CYP2C8: variants seen among roughly 807,000 people sequenced by gnomAD.
CYP2C8 encodes cytochrome P450 family 2 subfamily C member 8.
CYP2C8 carries 51 observed loss-of-function variants against 41.3 expected under a neutral mutation model. The observed-to-expected ratio is 1.24, with a 90% CI of 0.99 to 1.56. The LOEUF (loss-of-function observed/expected upper bound fraction) is 1.56. Ranked by LOEUF, CYP2C8 falls within the 40% of genes most tolerant of loss-of-function variation. The pLI is 0.00. For missense variants in CYP2C8, 651 were observed against 579.9 expected, an observed-to-expected ratio of 1.12 and a Z score of -1.26; for synonymous variants, 218 against 205.8, an observed-to-expected ratio of 1.06 and a Z score of -0.51.
Position 95,069,317 on chromosome 10 carries a change from A to T in CYP2C8, c.86T>A (p.Leu29His), listed in dbSNP as rs1269726684. ...AGGAAGAGGAGTGGGGCCAGGAGGG[A>T]GCTTCCTTCTCCTACAGCTCTGTCT... ...LWRQSCRRRK[L>H]PPGPTPLPII... The change falls in exon 1 of 9, where the codon CTC (leucine) becomes CAC (histidine). Residue 29 changes from leucine to histidine, a missense_variant. Physicochemically the swap from Leu to His is moderately conservative, Grantham distance 99 (BLOSUM62 -3). Coordinates refer to ENST00000371270, the MANE Select transcript of CYP2C8 (RefSeq NM_000770.3). 6.2e-7 allele frequency: 1 copy of T among 1,613,920 alleles called. No individual in the cohort carries two copies. Among genetic ancestry groups the T allele is most frequent in the Non-Finnish European group, 8.5e-7 (1 of 1,179,976 alleles).
rs765368370 is a variant in CYP2C8, at chr10:95,067,638, T to C, written c.222A>G (p.Ile74Met). The change falls in exon 2 of 9, where the codon ATA becomes ATG. Residue 74 changes from isoleucine (I) to methionine (M), a missense_variant. Coordinates refer to ENST00000371270, the MANE Select transcript of CYP2C8 (RefSeq NM_000770.3). The stretch of plus-strand genomic sequence containing the variant: ...CTGCCTCATATCCATGAAACACCAC[T>C]ATGGGATTCATGCCAAAATACACGG... ...VFTVYFGMNPIVVFHGYEAVK... is the reference protein window; with the variant it reads ...VFTVYFGMNPMVVFHGYEAVK... 3 of 1,613,928 alleles carry C rather than the reference T, an allele frequency of 1.9e-6. No homozygotes were observed. Among genetic ancestry groups the C allele is most frequent in the Admixed American group, 3.3e-5 (2 of 59,970 alleles).
intron 6 of CYP2C8, among the ~76,000 whole-genome samples, 164 bp from the exon 7 acceptor site, chr10:95,043,241 T>C (rs1288601178): frequency 1.3e-5 from 2 of 152,172 alleles, no homozygotes; most frequent in African/African-American, 2.4e-5. Context: ...TACCATAATA[T>C]AGATACATAC....
chr10:95,068,509 G>T (rs545050969), intron 1 of CYP2C8: 1 of 981,750 alleles, frequency 1.0e-6, no homozygotes, highest in Non-Finnish European at 1.4e-6. Context: ...CTTCAGAGAA[G>T]TTCAATTTTC....
At chr10:95,068,619 T>C in intron 1 of CYP2C8, 1 of 1,288,908 alleles carries the variant, frequency 7.8e-7, no homozygotes, top group Non-Finnish European at 1.0e-6. Context: ...TCAAAAATCA[T>C]AGCAAAACAC....
At position 95,042,885 on chromosome 10, in the gene CYP2C8, C is replaced by T. The variant is rs542760737; in HGVS notation, c.1149+5G>A. The T allele has an allele frequency of 1.9e-5, 31 of 1,612,296 alleles. No homozygotes were observed. In the South Asian group the frequency reaches 3.0e-4, roughly 15 times the overall value. On this transcript the variant is annotated splice_donor_5th_base_variant and intron_variant, in intron 7 of 8. Coordinates refer to ENST00000371270, the MANE Select transcript of CYP2C8 (RefSeq NM_000770.3). ...AGAAATATAGTGTAAGAGAAACAAG[C>T]TTACCTTGGGGATGAGGTAGTTTCT...
chr10:95,059,162 A>G (rs537123820), intron 4 of CYP2C8, among the ~76,000 whole-genome samples: 74 of 152,334 alleles, frequency 4.9e-4, no homozygotes, highest in Middle Eastern at 3.4e-3. Flanking sequence ...TATACCCAGT[A>G]ATGGGATGGC....
intron 2 of CYP2C8, 57 bp downstream of exon 2, chr10:95,067,472 G>A: frequency 6.2e-7 from 1 of 1,613,374 alleles, no homozygotes. Context: ...TTAGGGCTCT[G>A]TTTTCCATCC....
intron 4 of CYP2C8, among the ~76,000 whole-genome samples, chr10:95,063,979 T>C (rs1465847212): frequency 2.6e-5 from 4 of 152,140 alleles, no homozygotes; most frequent in African/African-American, 9.7e-5. Context: ...TGCCCGATCG[T>C]TCCTCTGGAA....
At chr10:95,067,483 C>T (rs1234230839) in intron 2 of CYP2C8, 46 bp downstream of exon 2, 9 of 1,613,702 alleles carry the variant, frequency 5.6e-6, no homozygotes, top group Non-Finnish European at 7.6e-6. Flanking sequence ...TTTTCCATCC[C>T]CCTCACCCCA....
intron 1 of CYP2C8, 27 bp downstream of exon 1, chr10:95,069,208 G>C: frequency 6.2e-7 from 1 of 1,613,376 alleles, no homozygotes; most frequent in Admixed American, 1.7e-5. Flanking sequence ...CTTTGCAATT[G>C]GCTGGAGGAA....
At position 95,037,006 on chromosome 10, in the gene CYP2C8, G is replaced by A; in HGVS notation, c.*122C>T. On this transcript the variant is annotated 3_prime_UTR_variant, in exon 9 of 9. Coordinates refer to ENST00000371270, the MANE Select transcript of CYP2C8 (RefSeq NM_000770.3). ...TCCTTAATGGAGTTTGGATGCTTAT[G>A]GGATATTGAGTGAATGGGAAGATTT... 1 of 907,312 alleles carries A rather than the reference G, an allele frequency of 1.1e-6. No homozygotes were observed. Among genetic ancestry groups the A allele is most frequent in the Non-Finnish European group, 1.8e-6 (1 of 555,236 alleles). 56.2% of individuals were successfully genotyped at this position (907,312 alleles called of 1,614,324 possible). A position where few individuals can be genotyped will look rare whatever the true frequency, so the allele number is the denominator to read the frequency against.
intron 5 of CYP2C8, among the ~76,000 whole-genome samples, chr10:95,054,236 G>A (rs921210869): frequency 6.6e-6 from 1 of 151,996 alleles, no homozygotes; most frequent in Admixed American, 6.6e-5. Context: ...TATATGAGGA[G>A]TGCAAGAGTG....
intron 4 of CYP2C8, among the ~76,000 whole-genome samples, chr10:95,061,898 C>T (rs1188354640): frequency 6.6e-6 from 1 of 152,138 alleles, no homozygotes; most frequent in Non-Finnish European, 1.5e-5. Context: ...TCTTTAGGTA[C>T]CCAGTAGTCA....
chr10:95,055,059 G>A (rs1330648218), intron 5 of CYP2C8, among the ~76,000 whole-genome samples: 1 of 152,060 alleles, frequency 6.6e-6, no homozygotes, highest in African/African-American at 2.4e-5. Context: ...GCTTCCAAAA[G>A]TAATCTAAAG....
chr10:95,043,990 T>A (rs2033061402), intron 6 of CYP2C8, among the ~76,000 whole-genome samples: 1 of 152,164 alleles, frequency 6.6e-6, no homozygotes, highest in African/African-American at 2.4e-5. Context: ...TAGTAATAAT[T>A]TCCCAATTAT....
chr10:95,064,778 G>A (rs538560149), intron 4 of CYP2C8, 22 bp downstream of exon 4: 3 of 1,611,442 alleles, frequency 1.9e-6, no homozygotes, highest in Non-Finnish European at 2.5e-6. Context: ...GGTTTCCAAG[G>A]AAAATAAAAT....
At chr10:95,037,513 T>C (rs11572177) in intron 8 of CYP2C8, among the ~76,000 whole-genome samples, 47,061 of 152,050 alleles carry the variant, frequency 0.31, 7,514 homozygotes, top group Non-Finnish European at 0.34. Flanking sequence ...CAAAAAGAGA[T>C]ATATTTGCTA....
chr10:95,068,497 A>G (rs1564743534), intron 1 of CYP2C8: 1 of 811,998 alleles, frequency 1.2e-6, no homozygotes, highest in Non-Finnish European at 1.8e-6. Context: ...CATCAAATGA[A>G]TCTTCAGAGA....
intron 7 of CYP2C8, among the ~76,000 whole-genome samples, chr10:95,041,664 C>A (rs1242086901): frequency 4.0e-5 from 6 of 151,548 alleles, no homozygotes; most frequent in African/African-American, 1.5e-4. Flanking sequence ...GCCTGTAGTC[C>A]CAGCTACTCG....
Sources: allele counts gnomAD v4.1 joint callset (sites outside exome capture counted in the v4.1 genomes callset), GRCh38; gene constraint gnomAD v4.1.1; transcripts MANE v1.5; gene names NCBI Gene and HGNC (gene_info 2026-07-23, HGNC 2026-07-21).